The following DNAI3 variants were observed in gnomAD, a reference collection of about 807,000 sequenced individuals.
DNAI3 encodes WD repeat domain 63.
A neutral mutation model predicts 115.5 loss-of-function variants in DNAI3; 83 were observed. The observed-to-expected ratio is 0.72, with a 90% CI of 0.60 to 0.86. DNAI3 has a LOEUF of 0.86. Ranked by LOEUF, DNAI3 falls within the 40% of genes least tolerant of loss-of-function variation. DNAI3 has a pLI of 0.00. For missense variants in DNAI3, 1,004 were observed against 1,075.8 expected (o/e 0.93, Z 0.93); for synonymous variants, 320 against 347.0 (o/e 0.92, Z 0.86).
intron 21 of DNAI3, among the ~76,000 whole-genome samples, 171 bp downstream of exon 21, chr1:85,128,970 T>TA (rs1025151172): frequency 1.4e-4 from 22 of 151,906 alleles, no homozygotes; most frequent in East Asian, 1.2e-3. Context: ...TTTGAAGCTT[T>TA]AAAAAAAAGC....
At chr1:85,084,474 A>ATG in intron 5 of DNAI3, 72 bp from the exon 6 acceptor site, 1 of 587,736 alleles carries the variant, frequency 1.7e-6, no homozygotes, top group East Asian at 8.4e-5. Context: ...TTGTTGCAAA[A>ATG]TATATATATA....
At chr1:85,102,425 T>G (rs556329272) in intron 13 of DNAI3, among the ~76,000 whole-genome samples, 62 of 152,028 alleles carry the variant, frequency 4.1e-4, no homozygotes, top group African/African-American at 1.5e-3. Flanking sequence ...ATATAAAAAT[T>G]TTTCATAAAT....
At chr1:85,114,237 T>C (rs1013791302) in intron 16 of DNAI3, among the ~76,000 whole-genome samples, 1 of 152,146 alleles carries the variant, frequency 6.6e-6, no homozygotes, top group African/African-American at 2.4e-5. Context: ...GGTCTCGAAC[T>C]CTTGACCTCA....
intron 3 of DNAI3, 78 bp from the exon 4 acceptor site, chr1:85,081,156 C>A (rs1331701115): frequency 5.1e-6 from 6 of 1,180,924 alleles, no homozygotes; most frequent in South Asian, 1.9e-5. Flanking sequence ...TTATTAAAAC[C>A]AAGCGATTGC....
intron 22 of DNAI3, among the ~76,000 whole-genome samples, chr1:85,132,618 A>G (rs568709640): frequency 6.6e-6 from 1 of 151,246 alleles, no homozygotes; most frequent in Non-Finnish European, 1.5e-5. Flanking sequence ...GAAGGCCGGA[A>G]AAAGGGACTT....
chr1:85,124,146 C>T lies in DNAI3; in HGVS notation c.2007C>T (p.Thr669=), dbSNP rs1198918191. The T allele has an allele frequency of 2.5e-6, 4 of 1,614,184 alleles. No homozygotes were observed. The highest frequency in any genetic ancestry group is 3.4e-6 in the Non-Finnish European group (4 of 1,180,036). ...LMSKKPVSHH[T]IHDGTVHTIQ... is the part of the protein sequence containing the mutation. ...CAAAGAAGCCAGTGAGCCACCACAC[C>T]ATTCACGACGGAACTGTCCACACTA... Residue 669 remains threonine (T), a synonymous_variant, in exon 19 of 23, where the codon ACC becomes ACT. Transcript: ENST00000294664.
intron 10 of DNAI3, among the ~76,000 whole-genome samples, chr1:85,095,074 G>T (rs1655086454): frequency 6.6e-6 from 1 of 152,004 alleles, no homozygotes; most frequent in African/African-American, 2.4e-5. Context: ...ATTTTAAATA[G>T]CTCAACTAAA....
rs549526220 is a variant in DNAI3, at chr1:85,124,166, A to G, written c.2027A>G (p.His676Arg). 5.6e-6 allele frequency: 9 copies of G among 1,614,214 alleles called. No homozygotes were observed. In the Admixed American group the frequency reaches 1.3e-4, roughly 24 times the overall value. Reference protein sequence around the residue: ...SHHTIHDGTVHTIQRSPFYND... With the variant: ...SHHTIHDGTVRTIQRSPFYND... ...CACACCATTCACGACGGAACTGTCC[A>G]CACTATTCAGAGATCACCTTTCTAC... Residue 676 changes from histidine (H) to arginine (R), a missense_variant, in exon 19 of 23, where the codon CAC becomes CGC. By Grantham distance (29) the His-to-Arg change is conservative. Coordinates refer to ENST00000294664, the MANE Select transcript of DNAI3 (RefSeq NM_145172.5).
At chr1:85,091,044 T>C (rs1305327108) in intron 8 of DNAI3, among the ~76,000 whole-genome samples, 2 of 152,210 alleles carry the variant, frequency 1.3e-5, no homozygotes, top group East Asian at 1.9e-4. Context: ...TTGTTACTTA[T>C]GCCTAGGGAG....
At chr1:85,072,379 C>G (rs1654299808) in intron 2 of DNAI3, among the ~76,000 whole-genome samples, 1 of 152,192 alleles carries the variant, frequency 6.6e-6, no homozygotes, top group Non-Finnish European at 1.5e-5. Context: ...CGCGGTGGTT[C>G]ACGCCTGTAA....
At chr1:85,094,700 G>T (rs1257824038) in intron 10 of DNAI3, 145 bp downstream of exon 10, 4 of 999,838 alleles carry the variant, frequency 4.0e-6, no homozygotes, top group Non-Finnish European at 5.5e-6. Context: ...TGCAGAACTT[G>T]TCATCATTCA....
chr1:85,094,810 A>G (rs891279753), intron 10 of DNAI3, among the ~76,000 whole-genome samples: 1 of 152,250 alleles, frequency 6.6e-6, no homozygotes, highest in Non-Finnish European at 1.5e-5. Context: ...TTTTTAAAAC[A>G]AACTCTTTTA....
chr1:85,117,051 T>A (rs1159439099), intron 16 of DNAI3, among the ~76,000 whole-genome samples: 1 of 152,170 alleles, frequency 6.6e-6, no homozygotes, highest in Non-Finnish European at 1.5e-5. Context: ...TCTTGGGTAA[T>A]ATGACTCAGA....
chr1:85,085,871 C>T lies in DNAI3; in HGVS notation c.581C>T (p.Ala194Val). 1.9e-6 allele frequency: 3 copies of T among 1,614,132 alleles called. No individual in the cohort carries two copies. Among genetic ancestry groups the T allele is most frequent in the Non-Finnish European group, 2.5e-6 (3 of 1,180,020 alleles). ...MISRKRSEFG[A>V]PIKFSDQNAS... ...TCTCGAAAACGAAGTGAATTTGGTG[C>T]ACCAATTAAGTTCAGTGACCAGAAT... Residue 194 changes from alanine to valine, a missense_variant, in exon 7 of 23, where the codon GCA becomes GTA. Around this residue, in one of 3 missense-constraint regions of DNAI3, gnomAD observed 550 missense variants for 568.1 expected, o/e 0.97. Coordinates refer to ENST00000294664, the MANE Select transcript of DNAI3 (RefSeq NM_145172.5).
chr1:85,092,660 G>T (rs1244350672), intron 8 of DNAI3, among the ~76,000 whole-genome samples: 1 of 151,972 alleles, frequency 6.6e-6, no homozygotes, highest in Admixed American at 6.6e-5. Context: ...GCACTCAGAT[G>T]GTATCTTAAA....
intron 20 of DNAI3, among the ~76,000 whole-genome samples, chr1:85,128,442 C>T (rs1656214967): frequency 6.6e-6 from 1 of 152,184 alleles, no homozygotes; most frequent in Admixed American, 6.5e-5. Context: ...AGCCACATTC[C>T]TTATACAGTC....
At chr1:85,117,603 GC>G (rs1423028063) in intron 16 of DNAI3, 125 bp from the exon 17 acceptor site, 1 of 1,293,838 alleles carries the variant, frequency 7.7e-7, no homozygotes, top group African/African-American at 1.5e-5. Flanking sequence ...TTGGACTTAT[GC>G]TCACTACATT....
At position 85,092,051 on chromosome 1, in the gene DNAI3, G is replaced by A. The variant is rs536880749; in HGVS notation, c.858-1407G>A. ...GAAACTGTTTAAGCCTCGAGAGTCC[G>A]CTACACAGGGTTATTCAATGTTCAG... is the stretch of plus-strand genomic sequence containing the variant. On this transcript the variant is annotated intron_variant, in intron 8 of 22. Coordinates refer to ENST00000294664, the MANE Select transcript of DNAI3 (RefSeq NM_145172.5). 1.6e-4 allele frequency among the ~76,000 whole-genome samples: 24 copies of A among 152,238 alleles called. No individual in the cohort carries two copies. In the South Asian group the frequency reaches 3.1e-3, roughly 20 times the overall value.
chr1:85,127,782 C>T, intron 20 of DNAI3, among the ~76,000 whole-genome samples: 1 of 152,012 alleles, frequency 6.6e-6, no homozygotes, highest in East Asian at 1.9e-4. Flanking sequence ...AGCAGACCTA[C>T]TAAAAAGGAA....
Sources: gnomAD v4.1 joint callset for allele counts (sites outside exome capture counted in the v4.1 genomes callset) on GRCh38, gnomAD v4.1.1 for gene constraint, gnomAD v4.1.1 regional missense constraint, MANE v1.5 for transcripts, NCBI Gene and HGNC (gene_info 2026-07-23, HGNC 2026-07-21) for gene names.